NCKAP5: variants seen among roughly 807,000 people sequenced by gnomAD.
The protein encoded by NCKAP5 is nck-associated protein 5.
NCKAP5 carries 92 observed loss-of-function variants against 167.0 expected under a neutral mutation model. The observed-to-expected ratio is 0.55, with a 90% confidence interval of 0.47 to 0.66. The LOEUF (loss-of-function observed/expected upper bound fraction) is 0.66. Among genes scored for constraint, NCKAP5 ranks in the 30% least tolerant of loss-of-function variants. The probability of loss-of-function intolerance (pLI) is 0.00; values close to 1 mark genes in which losing one functional copy is unlikely to be tolerated. For synonymous variants in NCKAP5, 891 were observed against 877.4 expected (o/e 1.02, Z -0.27); for missense variants, 2,378 against 2,315.0 (o/e 1.03, Z -0.56).
At chr2:133,552,596 G>A (rs1416382382) in intron 2 of NCKAP5, among the ~76,000 whole-genome samples, 1 of 126,540 alleles carries the variant, frequency 7.9e-6, no homozygotes, top group Non-Finnish European at 1.7e-5. Context: ...GGACTGTGGT[G>A]GGGTGGGGGG....
intron 11 of NCKAP5, among the ~76,000 whole-genome samples, chr2:132,859,579 T>C (rs1392920871): frequency 6.6e-6 from 1 of 152,210 alleles, no homozygotes; most frequent in Non-Finnish European, 1.5e-5. Context: ...ACATGGCTAG[T>C]GGTTATAGTG....
chr2:132,773,946 C>T, intron 15 of NCKAP5, 52 bp from the exon 16 acceptor site: 10 of 1,485,286 alleles, frequency 6.7e-6, no homozygotes, highest in Non-Finnish European at 9.3e-6. Flanking sequence ...TTAAAAAGAT[C>T]CTTTTGCAAT....
In NCKAP5 at chr2:133,130,078, T is replaced by C; in HGVS notation, c.241A>G (p.Arg81Gly). ...EKLIHELEEERHLRLQSEKRL... is the reference protein window; with the variant it reads ...EKLIHELEEEGHLRLQSEKRL... ...TTCTCGCTTTGAAGACGTAAGTGTC[T>C]CTCCTCTTCCAGTTCATGTATCAGC... Residue 81 changes from arginine (R) to glycine (G), a missense_variant, in exon 6 of 20, where the codon AGA (arginine) becomes GGA (glycine). Physicochemically the swap from Arg to Gly is moderately radical, Grantham distance 125. Transcript: ENST00000409261. 1 of 1,611,798 alleles carries C rather than the reference T, an allele frequency of 6.2e-7. No homozygotes were observed.
At chr2:132,919,184 G>A (rs1182892342) in intron 8 of NCKAP5, among the ~76,000 whole-genome samples, 1 of 152,194 alleles carries the variant, frequency 6.6e-6, no homozygotes, top group African/African-American at 2.4e-5. Flanking sequence ...GGGTGGAATG[G>A]GAGTGGTGAT....
chr2:132,704,739 C>T (rs1158569916), intron 19 of NCKAP5, among the ~76,000 whole-genome samples: 1 of 152,172 alleles, frequency 6.6e-6, no homozygotes, highest in Admixed American at 6.6e-5. Flanking sequence ...TTTAAACACC[C>T]TTAACTCCAC....
At chr2:133,046,412 C>T (rs2079400471) in intron 6 of NCKAP5, among the ~76,000 whole-genome samples, 1 of 152,054 alleles carries the variant, frequency 6.6e-6, no homozygotes. Context: ...CAGAGTCTCC[C>T]TCTGTCCCCA....
chr2:133,449,346 C>A (rs1374623080), intron 3 of NCKAP5, among the ~76,000 whole-genome samples: 5 of 152,172 alleles, frequency 3.3e-5, no homozygotes, highest in African/African-American at 1.2e-4. Context: ...CGATTTAGAG[C>A]TCTTGTACCT....
chr2:132,921,570 G>A (rs1423432803), intron 8 of NCKAP5, among the ~76,000 whole-genome samples: 2 of 152,236 alleles, frequency 1.3e-5, no homozygotes, highest in Non-Finnish European at 2.9e-5. Context: ...TGCACAGGAG[G>A]GATATCTAAC....
At chr2:132,758,785 G>T (rs562106259) in intron 16 of NCKAP5, among the ~76,000 whole-genome samples, 52 of 152,178 alleles carry the variant, frequency 3.4e-4, no homozygotes, top group Non-Finnish European at 6.0e-4. Flanking sequence ...AAGGCAGGCT[G>T]ATGTGGCACA....
intron 12 of NCKAP5, among the ~76,000 whole-genome samples, chr2:132,790,612 C>T (rs767655193): frequency 1.3e-5 from 2 of 152,144 alleles, no homozygotes; most frequent in Non-Finnish European, 2.9e-5. Context: ...TCGAACTACC[C>T]TAAGCTGCAG....
intron 11 of NCKAP5, among the ~76,000 whole-genome samples, chr2:132,812,812 C>T (rs895575037): frequency 1.3e-5 from 2 of 152,102 alleles, no homozygotes; most frequent in Non-Finnish European, 2.9e-5. Context: ...GATCAAGGTG[C>T]CAGCAGATCC....
chr2:132,940,470 T>TTATGC (rs750182969), intron 8 of NCKAP5, among the ~76,000 whole-genome samples: 4 of 152,182 alleles, frequency 2.6e-5, no homozygotes, highest in African/African-American at 7.2e-5. Flanking sequence ...AGACATGGGG[T>TTATGC]TATGACCTGT....
intron 11 of NCKAP5, among the ~76,000 whole-genome samples, chr2:132,812,748 G>A (rs1205635306): frequency 2.0e-5 from 3 of 152,156 alleles, no homozygotes; most frequent in Non-Finnish European, 2.9e-5. Context: ...CAATATTGTG[G>A]CTCATAAACA....
chr2:133,597,227 C>G, the NCKAP5 span, among the ~76,000 whole-genome samples: 1 of 152,312 alleles, frequency 6.6e-6, no homozygotes, highest in East Asian at 1.9e-4. Context: ...CTCAGACCAA[C>G]TGCACCAGTG....
intron 4 of NCKAP5, among the ~76,000 whole-genome samples, chr2:133,249,113 C>G (rs1444067393): frequency 6.6e-6 from 1 of 152,070 alleles, no homozygotes; most frequent in African/African-American, 2.4e-5. Context: ...GCCCCTCCCA[C>G]CCAATAGGTC....
intron 8 of NCKAP5, among the ~76,000 whole-genome samples, chr2:132,961,607 G>T (rs1034534752): frequency 2.6e-5 from 4 of 152,144 alleles, no homozygotes; most frequent in Admixed American, 6.5e-5. Context: ...CTGGAATCAA[G>T]AGTTGTTGCC....
intron 5 of NCKAP5, among the ~76,000 whole-genome samples, chr2:133,188,032 A>AT (rs1470952936): frequency 6.6e-6 from 1 of 151,978 alleles, no homozygotes; most frequent in East Asian, 1.9e-4. Context: ...TTAGCTGGTT[A>AT]TTTTGCTAGT....
At chr2:133,546,558 C>T (rs1686696040) in intron 2 of NCKAP5, among the ~76,000 whole-genome samples, 2 of 152,120 alleles carry the variant, frequency 1.3e-5, no homozygotes. Flanking sequence ...CTGAATGTGG[C>T]TCATTCAGTG....
chr2:133,523,339 C>CA (rs944644480), intron 2 of NCKAP5, among the ~76,000 whole-genome samples: 6 of 151,750 alleles, frequency 4.0e-5, no homozygotes, highest in African/African-American at 1.5e-4. Flanking sequence ...CTCACTCACT[C>CA]AGACACACAC....
Sources: allele counts gnomAD v4.1 joint callset (sites outside exome capture counted in the v4.1 genomes callset), GRCh38; gene constraint gnomAD v4.1.1; transcripts MANE v1.5; gene names NCBI Gene and HGNC (gene_info 2026-07-23, HGNC 2026-07-21).